The following ABAT variants were observed in gnomAD, a reference collection of about 807,000 sequenced individuals.
ABAT encodes 4-aminobutyrate aminotransferase, also known as 4-aminobutyrate aminotransferase, mitochondrial.
Under a neutral mutation model 64.6 loss-of-function variants are expected in ABAT, and 45 were observed. The observed-to-expected ratio is 0.70, with a 90% CI of 0.55 to 0.89. The LOEUF (loss-of-function observed/expected upper bound fraction) is 0.89. Among genes scored for constraint, ABAT ranks in the 40% least tolerant of loss-of-function variants. The pLI is 0.00. For synonymous variants in ABAT, 297 were observed against 250.5 expected, an observed-to-expected ratio of 1.19 and a Z score of -1.75; for missense variants, 633 against 658.4, an observed-to-expected ratio of 0.96 and a Z score of 0.42.
intron 1 of ABAT, among the ~76,000 whole-genome samples, chr16:8,710,683 TGAGAGAGAGACAGAGA>T (rs759146833): frequency 0.12 from 10,215 of 87,880 alleles, 726 homozygotes; most frequent in Middle Eastern, 0.33. Context: ...AAGGCTGCAC[TGAGAGAGAGACAGAGA>T]GAGAGAGAGA....
chr16:8,711,001 C>T (rs546785257), intron 1 of ABAT, among the ~76,000 whole-genome samples: 1 of 152,288 alleles, frequency 6.6e-6, no homozygotes, highest in African/African-American at 2.4e-5. Flanking sequence ...GGTTATTCTG[C>T]ATGATGGATA....
chr16:8,740,345 A>T (rs2059128548), intron 2 of ABAT, among the ~76,000 whole-genome samples: 1 of 152,120 alleles, frequency 6.6e-6, no homozygotes, highest in Non-Finnish European at 1.5e-5. Flanking sequence ...GTCTGTCATG[A>T]GGGTGTAATG....
At chr16:8,681,782 C>G (rs1459566643) in intron 1 of ABAT, among the ~76,000 whole-genome samples, 2 of 151,814 alleles carry the variant, frequency 1.3e-5, no homozygotes, top group Admixed American at 6.6e-5. Flanking sequence ...GCTGGGATTA[C>G]AGGCACCCGC....
Position 8,768,274 on chromosome 16 carries a change from C to A in ABAT, c.667+18C>A. Reference sequence around the variant, plus strand: ...GACCATGGGTAAGGAGGGACCATTGCGCTCCCAAGGTGGCGTTTAGAATAG... The same window carrying A: ...GACCATGGGTAAGGAGGGACCATTGAGCTCCCAAGGTGGCGTTTAGAATAG... On this transcript the variant is annotated intron_variant, in intron 10 of 15. Coordinates refer to ENST00000268251, the MANE Select transcript of ABAT (RefSeq NM_020686.6). The A allele has an allele frequency of 6.2e-7, 1 of 1,613,104 alleles. No individual in the cohort carries two copies. The highest frequency in any genetic ancestry group is 8.5e-7 in the Non-Finnish European group (1 of 1,179,494).
intron 1 of ABAT, among the ~76,000 whole-genome samples, chr16:8,732,967 G>T (rs1320115411): frequency 3.4e-5 from 5 of 146,944 alleles, no homozygotes; most frequent in African/African-American, 1.3e-4. Flanking sequence ...GCGGCTGGCC[G>T]GGCGGGGGGC....
chr16:8,723,816 T>C (rs560850453), intron 1 of ABAT, among the ~76,000 whole-genome samples: 1 of 51,004 alleles, frequency 2.0e-5, no homozygotes, highest in East Asian at 5.8e-4. Context: ...TTTTTATATA[T>C]ATATATATAT....
chr16:8,708,502 TG>T (rs1248004881), intron 1 of ABAT, among the ~76,000 whole-genome samples: 1 of 151,824 alleles, frequency 6.6e-6, no homozygotes, highest in East Asian at 1.9e-4. Context: ...TGTCTCACTT[TG>T]TTGCCCAGGC....
At chr16:8,765,976 G>T (rs528988197) in intron 8 of ABAT, 2 of 486,220 alleles carry the variant, frequency 4.1e-6, no homozygotes, top group East Asian at 8.2e-5. Flanking sequence ...TAATCCAACA[G>T]ATCTTAATCG....
chr16:8,703,298 T>C (rs936605041), intron 1 of ABAT, among the ~76,000 whole-genome samples: 3 of 151,654 alleles, frequency 2.0e-5, no homozygotes, highest in Non-Finnish European at 4.4e-5. Context: ...CTACTAAAAA[T>C]ACAAAAAATT....
intron 9 of ABAT, 44 bp downstream of exon 9, chr16:8,766,314 C>G (rs2059942173): frequency 6.3e-7 from 1 of 1,586,716 alleles, no homozygotes; most frequent in Non-Finnish European, 8.6e-7. Flanking sequence ...GGGGAAGCTG[C>G]ACAGCCTCTC....
At chr16:8,698,039 C>T (rs2057742172) in intron 1 of ABAT, among the ~76,000 whole-genome samples, 1 of 152,318 alleles carries the variant, frequency 6.6e-6, no homozygotes, top group Non-Finnish European at 1.5e-5. Flanking sequence ...ATCATACATT[C>T]ACTTTCTGGA....
rs545435405 is a variant in ABAT at position 8,774,029 on chromosome 16, A to C, written c.955-861A>C. Among the ~76,000 whole-genome samples the C allele has an allele frequency of 1.2e-4, 19 of 152,262 alleles. No individual in the cohort carries two copies. In the South Asian group the frequency reaches 3.5e-3, roughly 28 times the overall value. ...CTGTAACCTCTGCCTCCTGGGTCCA[A>C]GTGATTCTCCTGCCTCAGTCTCCCA... On this transcript the variant is annotated intron_variant, in intron 12 of 15. Transcript: ENST00000268251.
chr16:8,780,949 C>A (rs897150750), intron 15 of ABAT, among the ~76,000 whole-genome samples: 7 of 152,124 alleles, frequency 4.6e-5, no homozygotes, highest in Admixed American at 3.3e-4. Flanking sequence ...TTTTCCCACT[C>A]CTCCATGACT....
chr16:8,747,722 A>G (rs941209028), intron 3 of ABAT, among the ~76,000 whole-genome samples: 1 of 152,126 alleles, frequency 6.6e-6, no homozygotes, highest in African/African-American at 2.4e-5. Flanking sequence ...TGGTTCTTTG[A>G]TATGCAAGTT....
chr16:8,743,423 T>TTATATATATATATATATATATATA lies in ABAT; in HGVS notation c.71-2556_71-2555insTATATATATATATATATATATATA, dbSNP rs1182574273. On this transcript the variant is annotated intron_variant, in intron 2 of 15. Coordinates refer to ENST00000268251, the MANE Select transcript of ABAT (RefSeq NM_020686.6). ...GTCCCCTCTTGTGTAATGGAAACAG[T>TTATATATATATATATATATATATA]TATATATATATATATATATATACAC... Among the ~76,000 whole-genome samples, 238 of 45,134 alleles carry TTATATATATATATATATATATATA rather than the reference T, an allele frequency of 5.3e-3. 1 individual carries two copies. Among genetic ancestry groups the TTATATATATATATATATATATATA allele is most frequent in the African/African-American group, 9.4e-3 (76 of 8,122 alleles). 29.6% of individuals were successfully genotyped at this position (45,134 alleles called of 152,430 possible).
rs572994557 is a variant in ABAT, at chr16:8,763,387, G to C, written c.367-682G>C. Among the ~76,000 whole-genome samples, 5 of 152,296 alleles carry C rather than the reference G, an allele frequency of 3.3e-5. No individual in the cohort carries two copies. In the South Asian group the frequency reaches 1.0e-3, roughly 32 times the overall value. On this transcript the variant is annotated intron_variant, in intron 6 of 15. Coordinates refer to ENST00000268251, the MANE Select transcript of ABAT (RefSeq NM_020686.6). ...ACTGAGTGATCGTGAAGCAGAAAAA[G>C]CAAGAGGTAGGAATCTGCCAGTTTC...
At position 8,776,487 on chromosome 16, in the gene ABAT, C is replaced by T. The variant is rs201861329; in HGVS notation, c.1266C>T (p.Leu422=). 5.0e-6 allele frequency: 8 copies of T among 1,612,564 alleles called. No individual in the cohort carries two copies. The South Asian group carries it at 8.8e-5, about 18-fold the overall frequency. ...CCCTGCTCACAGGACTGCTGGACCT[C>T]CAGGTAACACCCCCTCCCCTGCCCC... is the stretch of plus-strand genomic sequence containing the variant. ...GKALLTGLLD[L]QARYPQFISR... is the part of the protein sequence containing the mutation. Residue 422 remains leucine (L), a synonymous_variant, in exon 14 of 16, where the codon CTC becomes CTT. Coordinates refer to ENST00000268251, the MANE Select transcript of ABAT (RefSeq NM_020686.6). The surrounding 1 kb of genome is among the most constrained non-coding windows in gnomAD (Gnocchi z 4.4).
At chr16:8,728,695 A>G (rs1731081) in intron 1 of ABAT, among the ~76,000 whole-genome samples, 98,084 of 151,978 alleles carry the variant, frequency 0.65, 32,144 homozygotes, top group Admixed American at 0.72. Context: ...CCAACATGGT[A>G]AAACCTCATT....
At chr16:8,745,767 C>A (rs1392181332) in intron 2 of ABAT, among the ~76,000 whole-genome samples, 1 of 152,194 alleles carries the variant, frequency 6.6e-6, no homozygotes, top group Non-Finnish European at 1.5e-5. Context: ...AAAACAGGAG[C>A]ATGCCTATTT....
Sources: gnomAD v4.1 joint callset for allele counts (sites outside exome capture counted in the v4.1 genomes callset) on GRCh38, gnomAD v4.1.1 for gene constraint, Gnocchi (gnomAD v3.1) non-coding constraint, MANE v1.5 for transcripts, NCBI Gene and HGNC (gene_info 2026-07-23, HGNC 2026-07-21) for gene names.